TBC1D30: variants seen among roughly 807,000 people sequenced by gnomAD.
The protein encoded by TBC1D30 is TBC1 domain family member 30.
A neutral mutation model predicts 63.2 loss-of-function variants in TBC1D30; 31 were observed. The ratio of observed to expected loss-of-function variants is 0.49; its 90% confidence interval spans 0.37 to 0.66. The LOEUF (loss-of-function observed/expected upper bound fraction) is 0.66. Among genes scored for constraint, TBC1D30 ranks in the 30% least tolerant of loss-of-function variants. The probability of loss-of-function intolerance (pLI) is 0.00; values close to 1 mark genes in which losing one functional copy is unlikely to be tolerated. For synonymous variants in TBC1D30, 307 were observed against 361.5 expected (o/e 0.85, Z 1.71); for missense variants, 810 against 953.6 (o/e 0.85, Z 1.98).
At chr12:64,848,963 C>T (rs1270550433) in intron 8 of TBC1D30, among the ~76,000 whole-genome samples, 7 of 152,164 alleles carry the variant, frequency 4.6e-5, no homozygotes, top group African/African-American at 1.2e-4. Flanking sequence ...TAATGATTGC[C>T]ATTCTAACTG....
At chr12:64,816,716 A>C (rs1017763501) in intron 2 of TBC1D30, among the ~76,000 whole-genome samples, 1 of 152,156 alleles carries the variant, frequency 6.6e-6, no homozygotes, top group Non-Finnish European at 1.5e-5. Context: ...TGGATGTTAT[A>C]TTATAGTCAC....
intron 2 of TBC1D30, among the ~76,000 whole-genome samples, chr12:64,798,805 CTTTTTTTTTTTT>C (rs1227349778): frequency 7.9e-6 from 1 of 127,212 alleles, no homozygotes; most frequent in East Asian, 2.2e-4. Context: ...CTTCAGGCAC[CTTTTTTTTTTTT>C]TTTTTTTTTT....
At chr12:64,784,361 C>A (rs968574346) in intron 1 of TBC1D30, among the ~76,000 whole-genome samples, 1 of 151,986 alleles carries the variant, frequency 6.6e-6, no homozygotes, top group South Asian at 2.1e-4. Context: ...ATGGTGAGGT[C>A]AGGTTTGAGA....
At chr12:64,797,156 C>G (rs1872330276) in intron 2 of TBC1D30, among the ~76,000 whole-genome samples, 1 of 151,530 alleles carries the variant, frequency 6.6e-6, no homozygotes, top group South Asian at 2.1e-4. Flanking sequence ...TCTGCTTTTA[C>G]TGGCATGGAG....
intron 2 of TBC1D30, chr12:64,786,067 C>T: frequency 1.6e-6 from 2 of 1,272,016 alleles, no homozygotes; most frequent in Non-Finnish European, 2.1e-6. Flanking sequence ...AATTGGGTTA[C>T]TTCTTTTGCC....
At chr12:64,855,685 T>G (rs1877241265) in intron 8 of TBC1D30, among the ~76,000 whole-genome samples, 1 of 152,236 alleles carries the variant, frequency 6.6e-6, no homozygotes, top group Non-Finnish European at 1.5e-5. Context: ...TCACTCTTTT[T>G]GTTAAATTTT....
chr12:64,824,019 C>T (rs1592593535), upstream of TBC1D30, among the ~76,000 whole-genome samples: 1 of 148,186 alleles, frequency 6.7e-6, no homozygotes, highest in Non-Finnish European at 1.5e-5. Context: ...CCCTTTCTTT[C>T]ATCCATTTTA....
chr12:64,876,834 C>T lies in TBC1D30; in HGVS notation c.*1046C>T, dbSNP rs1879120863. On this transcript the variant is annotated 3_prime_UTR_variant, in exon 12 of 12. Transcript: ENST00000539867. ...TCCCTCTCACTCCTGCCCTTTCTAG[C>T]TCTCTCTCACCCAGCGGGTCAGGGA... 2.2e-6 allele frequency: 1 copy of T among 455,982 alleles called. No individual in the cohort carries two copies. Among genetic ancestry groups the T allele is most frequent in the South Asian group, 1.5e-5 (1 of 64,570 alleles). 28.2% of individuals were successfully genotyped at this position (455,982 alleles called of 1,614,324 possible).
At chr12:64,868,585 C>A in intron 10 of TBC1D30, 1 of 310,868 alleles carries the variant, frequency 3.2e-6, no homozygotes, top group South Asian at 3.8e-5. Context: ...AGCATCTTTT[C>A]GGCAAACTTC....
At chr12:64,818,312 A>G (rs886192470) in intron 2 of TBC1D30, 2 of 811,044 alleles carry the variant, frequency 2.5e-6, no homozygotes, top group African/African-American at 3.7e-5. Context: ...CTGGGAAAAC[A>G]TTGCAACATA....
chr12:64,835,476 T>C (rs1439163752), intron 5 of TBC1D30, among the ~76,000 whole-genome samples: 1 of 152,108 alleles, frequency 6.6e-6, no homozygotes, highest in Non-Finnish European at 1.5e-5. Context: ...TAGAGCCCAT[T>C]ATATATATAG....
chr12:64,774,045 T>C (rs1187044920), intron 1 of TBC1D30, among the ~76,000 whole-genome samples: 4 of 152,152 alleles, frequency 2.6e-5, no homozygotes, highest in African/African-American at 9.7e-5. Flanking sequence ...CTAAAAATCA[T>C]GATAAAACAT....
intron 1 of TBC1D30, 48 bp downstream of exon 1, chr12:64,825,081 G>T (rs1874192803): frequency 1.3e-6 from 2 of 1,502,918 alleles, no homozygotes; most frequent in African/African-American, 2.8e-5. Flanking sequence ...TAGCGCCGGG[G>T]CTGCCCGCGC....
chr12:64,839,886 T>G (rs1875697179), intron 7 of TBC1D30, among the ~76,000 whole-genome samples: 1 of 151,426 alleles, frequency 6.6e-6, no homozygotes, highest in African/African-American at 2.4e-5. Context: ...GCACCTGTAT[T>G]CCCAGCTACT....
At chr12:64,828,365 T>C in intron 2 of TBC1D30, 79 bp from the exon 3 acceptor site, 1 of 1,047,030 alleles carries the variant, frequency 9.6e-7, no homozygotes, top group Admixed American at 2.1e-5. Flanking sequence ...ATTCTATGAA[T>C]GTCAAGATGG....
intron 8 of TBC1D30, among the ~76,000 whole-genome samples, chr12:64,861,157 C>T (rs990019096): frequency 6.6e-6 from 1 of 152,194 alleles, no homozygotes; most frequent in Non-Finnish European, 1.5e-5. Context: ...TCGAGGAAAA[C>T]ATCTGCGTGA....
intron 2 of TBC1D30, chr12:64,818,351 T>C (rs1358839855): frequency 1.1e-6 from 1 of 948,750 alleles, no homozygotes; most frequent in African/African-American, 1.8e-5. Flanking sequence ...GCAAGAATGG[T>C]ATCTCTCCAA....
chr12:64,779,725 T>C (rs1000992341), upstream of TBC1D30, among the ~76,000 whole-genome samples: 1 of 152,222 alleles, frequency 6.6e-6, no homozygotes, highest in African/African-American at 2.4e-5. Flanking sequence ...CCAGACACTT[T>C]ATGAAAAGTT....
chr12:64,843,492 C>T lies in TBC1D30; in HGVS notation c.1038+7C>T, dbSNP rs1467519226. 1.9e-5 allele frequency: 29 copies of T among 1,534,854 alleles called. No individual in the cohort carries two copies. The highest frequency in any genetic ancestry group is 3.9e-5 in the Admixed American group (2 of 50,990). ...AAGCCATGAACTCATGCAGGTGAGT[C>T]GGCAACATGGAGCAGCTTGGCTCGG... On this transcript the variant is annotated splice_region_variant and intron_variant, in intron 8 of 11. Transcript: ENST00000539867.
Sources: allele counts gnomAD v4.1 joint callset (sites outside exome capture counted in the v4.1 genomes callset), GRCh38; gene constraint gnomAD v4.1.1; transcripts MANE v1.5; gene names NCBI Gene and HGNC (gene_info 2026-07-23, HGNC 2026-07-21).